Variants in ITPRID2 observed in about 807,000 individuals in gnomAD.
The protein encoded by ITPRID2 is ITPR interacting domain containing 2, also known as protein ITPRID2.
In ITPRID2, 60 loss-of-function variants were observed where a neutral mutation model predicts 124.3. The observed-to-expected ratio is 0.48, with a 90% confidence interval of 0.39 to 0.60. The LOEUF is 0.60. Among genes scored for constraint, ITPRID2 ranks in the 20% least tolerant of loss-of-function variants. The probability of loss-of-function intolerance (pLI) is 0.00; values close to 1 mark genes in which losing one functional copy is unlikely to be tolerated. For missense variants in ITPRID2, 1,553 were observed against 1,512.2 expected (o/e 1.03, Z -0.45); for synonymous variants, 521 against 542.9 (o/e 0.96, Z 0.56).
At position 181,891,899 on chromosome 2, in the gene ITPRID2, T is replaced by TTC; in HGVS notation, c.-168_-167insTC. On this transcript the variant is annotated 5_prime_UTR_variant, in exon 1 of 18. Transcript: ENST00000431877. Reference sequence around the variant, plus strand: ...CCTCCGCCCCTTCCCTCCCCTTCCTTCCCTCCCTCCCTCCCTGTCCCCTCC... The same window carrying TTC: ...CCTCCGCCCCTTCCCTCCCCTTCCTTTCCCCTCCCTCCCTCCCTGTCCCCTCC... The TTC allele has an allele frequency of 2.6e-6, 1 of 383,350 alleles. No homozygotes were observed. Among genetic ancestry groups the TTC allele is most frequent in the Non-Finnish European group, 4.8e-6 (1 of 207,534 alleles). 23.7% of individuals were successfully genotyped at this position (383,350 alleles called of 1,614,324 possible). A position where few individuals can be genotyped will look rare whatever the true frequency, so the allele number is the denominator to read the frequency against.
chr2:181,916,845 CCT>C (rs1694098089), intron 11 of ITPRID2: 1 of 1,002,464 alleles, frequency 1.0e-6, no homozygotes, highest in East Asian at 1.0e-4. Flanking sequence ...AAGTTTTCTC[CCT>C]GTTGGCTTCT....
chr2:181,916,091 G>A lies in ITPRID2; in HGVS notation c.2451G>A (p.Ala817=), dbSNP rs1448680152. The A allele has an allele frequency of 5.6e-6, 9 of 1,614,188 alleles. No homozygotes were observed. The highest frequency in any genetic ancestry group is 2.2e-5 in the East Asian group (1 of 44,884). The change falls in exon 11 of 18, where the codon GCG becomes GCA. Residue 817 remains alanine, a synonymous_variant. Coordinates refer to ENST00000431877, the MANE Select transcript of ITPRID2 (RefSeq NM_001130445.3). ...AAGAAGAAGCCCCCCAGAGTGAGGC[G>A]CCGCGGGTGGAGGAATGCCATCATG... ...VKKEEAPQSE[A]PRVEECHHGR...
At chr2:181,904,262 T>C (rs547806580) in intron 8 of ITPRID2, among the ~76,000 whole-genome samples, 5,585 of 152,220 alleles carry the variant, frequency 0.037, 136 homozygotes, top group South Asian at 0.1. Context: ...AAGAAAGCAA[T>C]GTAGCATTGA....
chr2:181,911,472 A>G (rs535393417), intron 9 of ITPRID2, among the ~76,000 whole-genome samples: 1 of 152,340 alleles, frequency 6.6e-6, no homozygotes, highest in East Asian at 1.9e-4. Context: ...CATTTTTCTT[A>G]TTAAAGAAGA....
In ITPRID2 at chr2:181,910,830, T is replaced by C. The variant is rs1693549648; in HGVS notation, c.1486+859T>C. On this transcript the variant is annotated intron_variant, in intron 9 of 17. Transcript: ENST00000431877. This position sits in a 1 kb window ranked among gnomAD's most constrained non-coding sequence, Gnocchi z 4.1. The stretch of plus-strand genomic sequence containing the variant: ...GTATTAAGAAACAAGAGCTTCACTC[T>C]CACTCGGTCACTGCAGCTCTGGTTA... 6.6e-6 allele frequency among the ~76,000 whole-genome samples: 1 copy of C among 152,104 alleles called. No individual in the cohort carries two copies. Among genetic ancestry groups the C allele is most frequent in the Admixed American group, 6.5e-5 (1 of 15,274 alleles).
At chr2:181,899,863 C>G (rs1016296784) in intron 6 of ITPRID2, among the ~76,000 whole-genome samples, 5 of 152,164 alleles carry the variant, frequency 3.3e-5, no homozygotes, top group African/African-American at 7.2e-5. Context: ...ACCCTTGCCC[C>G]TCTCCCGCCC....
intron 9 of ITPRID2, 138 bp from the exon 10 acceptor site, chr2:181,913,707 G>A: frequency 1.8e-6 from 1 of 549,878 alleles, no homozygotes; most frequent in Non-Finnish European, 3.0e-6. Flanking sequence ...ATTTTTCTAA[G>A]AAGCAGTCAA....
Position 181,898,748 on chromosome 2 carries a change from A to C in ITPRID2, c.365-132A>C, listed in dbSNP as rs1463782495. 8 of 737,996 alleles carry C rather than the reference A, an allele frequency of 1.1e-5. No homozygotes were observed. The Admixed American group carries it at 1.8e-4, about 17-fold the overall frequency. 45.7% of individuals were successfully genotyped at this position (737,996 alleles called of 1,614,324 possible). Reference sequence around the variant, plus strand: ...ACTTTTAATAATGCAGATTTAATGGACCAAGATAAGTGTTTAATATATTTG... The same window carrying C: ...ACTTTTAATAATGCAGATTTAATGGCCCAAGATAAGTGTTTAATATATTTG... On this transcript the variant is annotated intron_variant, in intron 4 of 17. Transcript: ENST00000431877.
At position 181,916,145 on chromosome 2, in the gene ITPRID2, TCCA is replaced by T. The variant is rs1694025432; in HGVS notation, c.2512_2514del (p.Pro838del). ...GGACTCCTACCTGTTCACGGCTTGC[TCCA>T]CCACCAATGTCTCAGTCTACCTGTT... On this transcript the variant is annotated inframe_deletion, in exon 11 of 18. Coordinates refer to ENST00000431877, the MANE Select transcript of ITPRID2 (RefSeq NM_001130445.3). 1 of 1,614,246 alleles carries T rather than the reference TCCA, an allele frequency of 6.2e-7. No homozygotes were observed. Among genetic ancestry groups the T allele is most frequent in the Non-Finnish European group, 8.5e-7 (1 of 1,180,046 alleles).
intron 9 of ITPRID2, 99 bp from the exon 10 acceptor site, chr2:181,913,746 T>C: frequency 1.3e-6 from 1 of 752,780 alleles, no homozygotes; most frequent in Non-Finnish European, 2.1e-6. Context: ...CTGCTGGGAA[T>C]CATATCTCTG....
At chr2:181,904,856 G>A (rs1480956676) in intron 8 of ITPRID2, among the ~76,000 whole-genome samples, 1 of 152,144 alleles carries the variant, frequency 6.6e-6, no homozygotes, top group African/African-American at 2.4e-5. Context: ...ACAGTCACCA[G>A]AAGCAAAGAG....
rs1574179727 is a variant in ITPRID2, at chr2:181,892,157, C to T, written c.91C>T (p.Arg31Cys). The T allele has an allele frequency of 5.1e-6, 8 of 1,556,300 alleles. No individual in the cohort carries two copies. The East Asian group carries it at 1.4e-4, about 28-fold the overall frequency. Reference sequence around the variant, plus strand: ...CAGGAGGAAGGCCTGGGCCAAGTGCCGCAGCTCCTGGCAAGCGTCGGAGAC... The same window carrying T: ...CAGGAGGAAGGCCTGGGCCAAGTGCTGCAGCTCCTGGCAAGCGTCGGAGAC... ...SRRRKAWAKCRSSWQASETED... is the reference protein window; with the variant it reads ...SRRRKAWAKCCSSWQASETED... The change falls in exon 1 of 18, where the codon CGC becomes TGC. Residue 31 changes from arginine (R) to cysteine (C), a missense_variant. Transcript: ENST00000431877. This position sits in a 1 kb window ranked among gnomAD's most constrained non-coding sequence, Gnocchi z 5.2.
intron 8 of ITPRID2, among the ~76,000 whole-genome samples, chr2:181,903,556 T>C (rs1692853592): frequency 6.6e-6 from 1 of 152,044 alleles, no homozygotes; most frequent in Non-Finnish European, 1.5e-5. Flanking sequence ...TTTTCATTTA[T>C]TGTAAAATTT....
In ITPRID2 at chr2:181,922,225, C is replaced by T. The variant is rs775282813; in HGVS notation, c.3488C>T (p.Thr1163Ile). The T allele has an allele frequency of 1.2e-6, 2 of 1,614,244 alleles. No homozygotes were observed. The highest frequency in any genetic ancestry group is 1.1e-5 in the South Asian group (1 of 91,090). ...CTAACGCCAACAGCTCCTTCTAGAA[C>T]AGGCTCTGTGCAGACACCTCCAGAT... ...VALTPTAPSR[T>I]GSVQTPPDLE... is the part of the protein sequence containing the mutation. Residue 1163 changes from threonine (T) to isoleucine (I), a missense_variant, in exon 16 of 18, where the codon ACA becomes ATA. Physicochemically the swap from Thr to Ile is moderately conservative, Grantham distance 89. Coordinates refer to ENST00000431877, the MANE Select transcript of ITPRID2 (RefSeq NM_001130445.3).
chr2:181,919,939 A>T lies in ITPRID2; in HGVS notation c.3144+493A>T, dbSNP rs1009523019. ...TTTTCATACATATATATACATACAC[A>T]TACATATATGTATTTTCCTAAATAT... On this transcript the variant is annotated intron_variant, in intron 14 of 17. Coordinates refer to ENST00000431877, the MANE Select transcript of ITPRID2 (RefSeq NM_001130445.3). The surrounding 1 kb of genome is among the most constrained non-coding windows in gnomAD (Gnocchi z 4.2). Among the ~76,000 whole-genome samples the T allele has an allele frequency of 1.3e-5, 2 of 152,104 alleles. No individual in the cohort carries two copies. The highest frequency in any genetic ancestry group is 2.9e-5 in the Non-Finnish European group (2 of 67,988).
At chr2:181,909,839 G>GA in intron 8 of ITPRID2, 60 bp from the exon 9 acceptor site, 1 of 1,250,264 alleles carries the variant, frequency 8.0e-7, no homozygotes, top group Middle Eastern at 1.9e-4. Context: ...ATTTATTCAA[G>GA]AAGTTATACT....
At chr2:181,926,957 A>T (rs1394567701) in intron 16 of ITPRID2, among the ~76,000 whole-genome samples, 1 of 152,306 alleles carries the variant, frequency 6.6e-6, no homozygotes. Flanking sequence ...TTGAAAAGTA[A>T]ATCTGAAGTG....
intron 2 of ITPRID2, chr2:181,894,174 C>T (rs1297874852): frequency 6.6e-6 from 1 of 152,152 alleles, no homozygotes; most frequent in Non-Finnish European, 1.5e-5. Flanking sequence ...AGAAGAATCA[C>T]ACTATAGTTT....
At chr2:181,898,817 TG>T in intron 4 of ITPRID2, 62 bp from the exon 5 acceptor site, 2 of 1,114,104 alleles carry the variant, frequency 1.8e-6, no homozygotes, top group South Asian at 2.6e-5. Context: ...TCTTGATAAT[TG>T]TATCATAGTA....
Sources: allele counts gnomAD v4.1 joint callset (sites outside exome capture counted in the v4.1 genomes callset), GRCh38; gene constraint gnomAD v4.1.1; non-coding constraint Gnocchi (gnomAD v3.1); transcripts MANE v1.5; gene names NCBI Gene and HGNC (gene_info 2026-07-23, HGNC 2026-07-21).